The following TTLL7 variants were observed in gnomAD, a reference collection of about 807,000 sequenced individuals.
TTLL7 encodes the protein tubulin tyrosine ligase like 7.
TTLL7 carries 53 observed loss-of-function variants against 120.2 expected under a neutral mutation model. The observed-to-expected ratio is 0.44, with a 90% CI of 0.35 to 0.55. The LOEUF (loss-of-function observed/expected upper bound fraction) is 0.55. Among genes scored for constraint, TTLL7 ranks in the 20% least tolerant of loss-of-function variants. TTLL7 has a pLI of 0.00. For synonymous variants in TTLL7, 353 were observed against 351.7 expected, an observed-to-expected ratio of 1.00 and a Z score of -0.04; for missense variants, 803 against 1,054.7, an observed-to-expected ratio of 0.76 and a Z score of 3.31.
At chr1:83,886,961 T>A (rs1441830895) in intron 19 of TTLL7, among the ~76,000 whole-genome samples, 1 of 152,024 alleles carries the variant, frequency 6.6e-6, no homozygotes, top group African/African-American at 2.4e-5. Flanking sequence ...GTAAACATAT[T>A]CCAAATGTGG....
intron 10 of TTLL7, among the ~76,000 whole-genome samples, chr1:83,927,476 A>G (rs1659232139): frequency 6.6e-6 from 1 of 152,154 alleles, no homozygotes; most frequent in Non-Finnish European, 1.5e-5. Flanking sequence ...AGAGTAGAGA[A>G]CAGAATAAAT....
intron 14 of TTLL7, 128 bp downstream of exon 14, chr1:83,917,476 T>C (rs902335709): frequency 4.8e-6 from 3 of 626,070 alleles, no homozygotes; most frequent in Non-Finnish European, 5.6e-6. Context: ...TTCCAAACTT[T>C]ACCTGCACTG....
chr1:83,966,937 T>C (rs1012680276), intron 1 of TTLL7, among the ~76,000 whole-genome samples: 1 of 152,086 alleles, frequency 6.6e-6, no homozygotes, highest in Non-Finnish European at 1.5e-5. Flanking sequence ...TGGAAAAACA[T>C]AGACAATGAG....
At chr1:83,956,699 C>G (rs181089970) in intron 1 of TTLL7, among the ~76,000 whole-genome samples, 36 of 152,186 alleles carry the variant, frequency 2.4e-4, no homozygotes, top group Non-Finnish European at 1.0e-4. Context: ...CAAAGTGCTG[C>G]GATTGCAGGC....
chr1:83,947,565 T>G (rs2100853417), intron 5 of TTLL7: 1 of 285,892 alleles, frequency 3.5e-6, no homozygotes, highest in Admixed American at 5.3e-5. Context: ...GAGTACACAC[T>G]CTGTGCTAGG....
At chr1:83,982,018 A>T (rs368533825) in intron 1 of TTLL7, among the ~76,000 whole-genome samples, 16 of 152,156 alleles carry the variant, frequency 1.1e-4, no homozygotes, top group East Asian at 7.7e-4. Flanking sequence ...AGCACTCACC[A>T]AGATGCACCA....
intron 19 of TTLL7, 53 bp from the exon 20 acceptor site, chr1:83,883,189 C>G (rs975331766): frequency 1.4e-6 from 2 of 1,457,148 alleles, no homozygotes; most frequent in Admixed American, 2.3e-5. Flanking sequence ...AAATGACAAC[C>G]AGCTATATAT....
At position 83,933,744 on chromosome 1, in the gene TTLL7, A is replaced by G. The variant is rs1659791436; in HGVS notation, c.911T>C (p.Ile304Thr). 6.2e-7 allele frequency: 1 copy of G among 1,611,294 alleles called. No homozygotes were observed. The highest frequency in any genetic ancestry group is 8.5e-7 in the Non-Finnish European group (1 of 1,178,986). The change falls in exon 9 of 21, where the codon ATT becomes ACT. Residue 304 changes from isoleucine to threonine, a missense_variant. This residue lies in a region of TTLL7 where 324 missense variants were observed against 507.7 expected (regional missense o/e 0.64). Transcript: ENST00000260505. ...DISELVVKTL[I>T]VAEPHVLHAY... ...ATGCAGGACATGAGGTTCTGCTACA[A>G]TCAGGGTCTTTACCACCAATTCCTA...
intron 1 of TTLL7, among the ~76,000 whole-genome samples, chr1:83,953,973 T>C (rs1433408295): frequency 6.6e-6 from 1 of 152,170 alleles, no homozygotes; most frequent in African/African-American, 2.4e-5. Context: ...GGAAACAGAC[T>C]GGATCACTTC....
At chr1:83,892,257 A>C (rs1655566560) in intron 18 of TTLL7, among the ~76,000 whole-genome samples, 1 of 137,190 alleles carries the variant, frequency 7.3e-6, no homozygotes, top group African/African-American at 2.6e-5. Context: ...TGTATATATG[A>C]ATATATATAC....
intron 16 of TTLL7, among the ~76,000 whole-genome samples, chr1:83,907,038 C>T (rs1657252789): frequency 6.6e-6 from 1 of 151,946 alleles, no homozygotes; most frequent in South Asian, 2.1e-4. Context: ...TTATAAATAA[C>T]ATTGTACTTA....
chr1:83,902,252 A>T (rs1557594266), intron 18 of TTLL7: 1 of 151,988 alleles, frequency 6.6e-6, no homozygotes, highest in South Asian at 2.1e-4. Context: ...TTAAAAAAAA[A>T]CAAAAACCTT....
chr1:83,871,531 C>T (rs185392269), intron 20 of TTLL7, among the ~76,000 whole-genome samples: 40 of 152,222 alleles, frequency 2.6e-4, no homozygotes, highest in Non-Finnish European at 4.0e-4. Context: ...TACAGAGATT[C>T]GTAATTAGTC....
At chr1:83,870,154 T>C in intron 20 of TTLL7, 72 bp from the exon 21 acceptor site, 6 of 1,397,870 alleles carry the variant, frequency 4.3e-6, no homozygotes, top group African/African-American at 1.5e-5. Flanking sequence ...GTTATGTGGT[T>C]AGCAATTTAC....
intron 19 of TTLL7, chr1:83,887,256 A>G: frequency 8.0e-7 from 1 of 1,243,668 alleles, no homozygotes; most frequent in Middle Eastern, 2.3e-4. Flanking sequence ...AAACACTTGG[A>G]TTATATTTTT....
At chr1:83,895,556 ACTT>A (rs1473670347) in intron 18 of TTLL7, among the ~76,000 whole-genome samples, 1 of 152,084 alleles carries the variant, frequency 6.6e-6, no homozygotes, top group Non-Finnish European at 1.5e-5. Flanking sequence ...TCAATACATA[ACTT>A]CTTGTCAGGT....
rs12409653 is a variant in TTLL7 at position 83,926,557 on chromosome 1, G to T, written c.1142+2579C>A. 5.8e-4 allele frequency among the ~76,000 whole-genome samples: 89 copies of T among 152,198 alleles called. 1 individual carries two copies. Among genetic ancestry groups the T allele is most frequent in the Admixed American group, 5.8e-3 (88 of 15,276 alleles). On this transcript the variant is annotated intron_variant, in intron 10 of 20. Coordinates refer to ENST00000260505, the MANE Select transcript of TTLL7 (RefSeq NM_024686.6). The stretch of plus-strand genomic sequence containing the variant: ...GCAAGAACACAGTGAGAAAATGATG[G>T]GTAGGGAGCAGAGTGTAAGAGAAAT...
chr1:83,914,267 C>T (rs1657912762), intron 14 of TTLL7, among the ~76,000 whole-genome samples: 1 of 151,006 alleles, frequency 6.6e-6, no homozygotes, highest in Non-Finnish European at 1.5e-5. Flanking sequence ...ATCATAACTC[C>T]ATATCTTTGC....
intron 6 of TTLL7, 140 bp downstream of exon 6, chr1:83,946,984 G>C (rs1648567052): frequency 1.6e-6 from 1 of 606,684 alleles, no homozygotes; most frequent in Non-Finnish European, 2.6e-6. Context: ...TAAATATTTG[G>C]TTCCAAAACT....
Sources: allele counts gnomAD v4.1 joint callset (sites outside exome capture counted in the v4.1 genomes callset), GRCh38; gene constraint gnomAD v4.1.1; regional missense constraint gnomAD v4.1.1; transcripts MANE v1.5; gene names NCBI Gene and HGNC (gene_info 2026-07-23, HGNC 2026-07-21).